FER1L6: variants seen among roughly 807,000 people sequenced by gnomAD.
FER1L6 encodes the protein fer-1 like family member 6.
In FER1L6, 177 loss-of-function variants were observed where a neutral mutation model predicts 219.2. That is an observed-to-expected ratio of 0.81 (90% CI 0.71 to 0.91). FER1L6 has a LOEUF of 0.91. FER1L6 is among the 40% of genes least tolerant of loss of function. The pLI is 0.00. For synonymous variants in FER1L6, 768 were observed against 824.3 expected (o/e 0.93, Z 1.17); for missense variants, 2,153 against 2,259.9 (o/e 0.95, Z 0.96).
At chr8:123,938,441 T>C (rs1285008506) in intron 1 of FER1L6, among the ~76,000 whole-genome samples, 2 of 152,170 alleles carry the variant, frequency 1.3e-5, no homozygotes, top group Non-Finnish European at 2.9e-5. Flanking sequence ...ATTTTTAACA[T>C]GATCTACTGG....
At chr8:123,942,312 C>T (rs1469285842) in intron 1 of FER1L6, among the ~76,000 whole-genome samples, 1 of 152,238 alleles carries the variant, frequency 6.6e-6, no homozygotes, top group Non-Finnish European at 1.5e-5. Flanking sequence ...GCCAGGTCCT[C>T]TTCTTGTCCC....
chr8:123,911,728 C>T (rs1813049959), intron 1 of FER1L6, among the ~76,000 whole-genome samples: 1 of 152,116 alleles, frequency 6.6e-6, no homozygotes, highest in African/African-American at 2.4e-5. Context: ...AACTGATTGT[C>T]CGAGAGCATG....
intron 1 of FER1L6, among the ~76,000 whole-genome samples, chr8:123,896,380 A>G (rs751968605): frequency 6.6e-6 from 1 of 152,216 alleles, no homozygotes; most frequent in African/African-American, 2.4e-5. Context: ...CTGCTCTGCA[A>G]CACAGCAAAA....
intron 1 of FER1L6, among the ~76,000 whole-genome samples, chr8:123,875,024 G>A (rs1010335012): frequency 1.3e-5 from 2 of 151,916 alleles, no homozygotes; most frequent in African/African-American, 4.8e-5. Flanking sequence ...GTGAAATCCC[G>A]TCTCCACTAA....
intron 1 of FER1L6, among the ~76,000 whole-genome samples, chr8:123,882,785 A>G (rs1817131747): frequency 6.6e-6 from 1 of 152,332 alleles, no homozygotes; most frequent in South Asian, 2.1e-4. Flanking sequence ...TCAACTCCGC[A>G]TGATACTATT....
At chr8:123,908,135 C>A (rs1226668909) in intron 1 of FER1L6, among the ~76,000 whole-genome samples, 2 of 151,958 alleles carry the variant, frequency 1.3e-5, no homozygotes, top group Non-Finnish European at 2.9e-5. Context: ...TGTCAAAACC[C>A]AAAAATATGG....
intron 15 of FER1L6, 107 bp downstream of exon 15, chr8:124,013,638 A>G (rs1818046980): frequency 1.6e-6 from 1 of 625,836 alleles, no homozygotes; most frequent in Non-Finnish European, 2.7e-6. Flanking sequence ...TGGGTGTTTT[A>G]GAGTGCTGTA....
chr8:124,060,598 G>A lies in FER1L6; in HGVS notation c.3036G>A (p.Val1012=), dbSNP rs376271464. 5 of 1,613,960 alleles carry A rather than the reference G, an allele frequency of 3.1e-6. No individual in the cohort carries two copies. In the African/African-American group the frequency reaches 6.7e-5, roughly 22 times the overall value. The stretch of plus-strand genomic sequence containing the variant: ...TGAAGAAGGTGCAGCTCCTCTCTGT[G>A]GATCGGCCTCAGGCTCTCATTGAGT... The part of the protein sequence containing the change: ...REMKKVQLLS[V]DRPQALIECG... The change falls in exon 24 of 41, where the codon GTG becomes GTA. Residue 1012 remains valine, a synonymous_variant. Transcript: ENST00000522917.
rs1814134616 is a variant in FER1L6, at chr8:123,939,299, T to A, written c.-7-16693T>A. Reference sequence around the variant, plus strand: ...ATTACATATTGTTAAGTCTAAGAAGTCCTAGGAGACCAGGTTTACCCCAGT... The same window carrying A: ...ATTACATATTGTTAAGTCTAAGAAGACCTAGGAGACCAGGTTTACCCCAGT... On this transcript the variant is annotated intron_variant, in intron 1 of 40. Coordinates refer to ENST00000522917, the MANE Select transcript of FER1L6 (RefSeq NM_001039112.2). 4.6e-6 allele frequency: 3 copies of A among 645,770 alleles called. No homozygotes were observed. The African/African-American group carries it at 5.9e-5, about 13-fold the overall frequency. 40.0% of individuals were successfully genotyped at this position (645,770 alleles called of 1,614,324 possible). A position where few individuals can be genotyped will look rare whatever the true frequency, so the allele number is the denominator to read the frequency against.
At chr8:123,945,714 T>C (rs1282292307) in intron 1 of FER1L6, among the ~76,000 whole-genome samples, 1 of 152,270 alleles carries the variant, frequency 6.6e-6, no homozygotes, top group Non-Finnish European at 1.5e-5. Flanking sequence ...AGGTTTTTAT[T>C]CTTGGAACTA....
chr8:124,033,309 T>A (rs1232820184), intron 18 of FER1L6, among the ~76,000 whole-genome samples: 1 of 152,208 alleles, frequency 6.6e-6, no homozygotes, highest in Non-Finnish European at 1.5e-5. Flanking sequence ...GAGGGATTGC[T>A]TTTATTATAG....
Position 124,021,640 on chromosome 8 carries a change from GT to G in FER1L6, c.2105del (p.Val702GlyfsTer97). ...DEMIHEAQNF[V>X]EKIRFLVDEP... is the part of the protein sequence containing the mutation. Reference sequence around the variant, plus strand: ...AATGATTCACGAAGCCCAAAACTTTGTGGAAAAAATCCGCTTTCTTGTTGAT... The same window carrying G: ...AATGATTCACGAAGCCCAAAACTTTGGGAAAAAATCCGCTTTCTTGTTGAT... On this transcript the variant is annotated frameshift_variant, in exon 17 of 41. Transcript: ENST00000522917. LOFTEE classifies it high-confidence loss of function. 4 of 1,614,118 alleles carry G rather than the reference GT, an allele frequency of 2.5e-6. No individual in the cohort carries two copies. Among genetic ancestry groups the G allele is most frequent in the Non-Finnish European group, 3.4e-6 (4 of 1,179,986 alleles).
intron 30 of FER1L6, among the ~76,000 whole-genome samples, chr8:124,071,267 A>C (rs748008896): frequency 6.6e-6 from 1 of 152,218 alleles, no homozygotes; most frequent in African/African-American, 2.4e-5. Context: ...TGTTCTTCAT[A>C]TAACAGTCCT....
intron 22 of FER1L6, among the ~76,000 whole-genome samples, chr8:124,056,305 C>T (rs967539372): frequency 3.9e-5 from 6 of 152,224 alleles, no homozygotes; most frequent in Admixed American, 6.5e-5. Context: ...GCTATTTGGT[C>T]TATGTGGCTG....
chr8:123,859,985 T>C (rs1350982139), intron 1 of FER1L6, among the ~76,000 whole-genome samples: 2 of 75,164 alleles, frequency 2.7e-5, no homozygotes, highest in Non-Finnish European at 3.8e-5. Flanking sequence ...ATTATTATTA[T>C]TTTTTTAATT....
chr8:124,084,173 T>G (rs536859685), intron 33 of FER1L6, among the ~76,000 whole-genome samples: 4 of 152,034 alleles, frequency 2.6e-5, no homozygotes, highest in South Asian at 2.1e-4. Flanking sequence ...ATCTTTAGTT[T>G]TTTTTTTTTT....
intron 1 of FER1L6, among the ~76,000 whole-genome samples, chr8:123,889,159 T>C (rs957251428): frequency 2.6e-5 from 4 of 152,168 alleles, no homozygotes; most frequent in African/African-American, 9.7e-5. Flanking sequence ...TAAGACTAAT[T>C]TAATGTTGTT....
intron 1 of FER1L6, among the ~76,000 whole-genome samples, chr8:123,902,030 AT>A (rs1266891382): frequency 1.6e-4 from 24 of 152,040 alleles, no homozygotes; most frequent in Admixed American, 1.6e-3. Flanking sequence ...AACTCAAAGA[AT>A]TTTTAAATTT....
intron 2 of FER1L6, among the ~76,000 whole-genome samples, chr8:123,961,156 G>A (rs184163923): frequency 6.6e-6 from 1 of 152,262 alleles, no homozygotes; most frequent in East Asian, 1.9e-4. Flanking sequence ...AGCTACTCAG[G>A]AGGCTGAGGT....
Sources: allele counts gnomAD v4.1 joint callset (sites outside exome capture counted in the v4.1 genomes callset), GRCh38; gene constraint gnomAD v4.1.1; transcripts MANE v1.5; gene names NCBI Gene and HGNC (gene_info 2026-07-23, HGNC 2026-07-21).